The following GALNT15 variants were observed in gnomAD, a reference collection of about 807,000 sequenced individuals.
The protein encoded by GALNT15 is polypeptide N-acetylgalactosaminyltransferase 15.
Under a neutral mutation model 66.8 loss-of-function variants are expected in GALNT15, and 67 were observed. That is an observed-to-expected ratio of 1.00 (90% CI 0.82 to 1.23). The LOEUF (loss-of-function observed/expected upper bound fraction) is 1.23, where lower values mean the gene tolerates loss of function less well. Ranked by LOEUF, GALNT15 falls within the 50% of genes most tolerant of loss-of-function variation. The probability of loss-of-function intolerance (pLI) is 0.00; values close to 1 mark genes in which losing one functional copy is unlikely to be tolerated. For missense variants in GALNT15, 827 were observed against 804.3 expected (o/e 1.03, Z -0.34); for synonymous variants, 313 against 311.5 (o/e 1.00, Z -0.05).
rs143473811 is a variant in GALNT15, at chr3:16,211,216, G to A, written c.1172G>A (p.Gly391Asp). 5.5e-5 allele frequency: 88 copies of A among 1,612,428 alleles called. No individual in the cohort carries two copies. Among genetic ancestry groups the A allele is most frequent in the African/African-American group, 3.1e-4 (23 of 74,902 alleles). The change falls in exon 5 of 10, where the codon GGT becomes GAT. Residue 391 changes from glycine to aspartate, a missense_variant. Transcript: ENST00000339732. The surrounding 1 kb of genome is among the most constrained non-coding windows in gnomAD (Gnocchi z 4.3). ...AYDSLMSLRG[G>D]ENLELSFKAW... ...GACTCTCTTATGTCGCTGCGAGGTGGTGAAAACCTCGAACTGTCTTTCAAG... is the reference window on the plus strand; with the variant it reads ...GACTCTCTTATGTCGCTGCGAGGTGATGAAAACCTCGAACTGTCTTTCAAG...
rs764133849 is a variant in GALNT15 at position 16,186,719 on chromosome 3, T to C, written c.540-9041T>C. ...GTTATGTCATTTCATTCATATGAAG[T>C]GTCCAAAGTAGGCAAGTCTGTAAAG... On this transcript the variant is annotated intron_variant, in intron 1 of 9. Coordinates refer to ENST00000339732, the MANE Select transcript of GALNT15 (RefSeq NM_054110.5). This position sits in a 1 kb window ranked among gnomAD's most constrained non-coding sequence, Gnocchi z 5.1. Among the ~76,000 whole-genome samples the C allele has an allele frequency of 6.6e-6, 1 of 152,170 alleles. No homozygotes were observed. The highest frequency in any genetic ancestry group is 1.5e-5 in the Non-Finnish European group (1 of 68,036).
chr3:16,227,486 GT>G lies in GALNT15; in HGVS notation c.1907del (p.Val636GlyfsTer32). 2 of 1,614,186 alleles carry G rather than the reference GT, an allele frequency of 1.2e-6. No homozygotes were observed. Among genetic ancestry groups the G allele is most frequent in the Non-Finnish European group, 1.7e-6 (2 of 1,180,024 alleles). ...QQWRFDQINA[V>X]DER ...GTGGCGTTTTGACCAGATCAATGCT[GT>G]GGATGAACGATGAATGTCAATGTCA... On this transcript the variant is annotated frameshift_variant, in exon 10 of 10. Transcript: ENST00000339732. LOFTEE classifies it high-confidence loss of function. This position sits in a 1 kb window ranked among gnomAD's most constrained non-coding sequence, Gnocchi z 4.5.
intron 8 of GALNT15, among the ~76,000 whole-genome samples, chr3:16,221,719 G>T (rs1031088123): frequency 3.9e-5 from 6 of 152,084 alleles, no homozygotes; most frequent in Non-Finnish European, 8.8e-5. Flanking sequence ...TCCCTACAGG[G>T]GCTTTGAGTA....
intron 3 of GALNT15, among the ~76,000 whole-genome samples, chr3:16,207,530 A>ATTGGACT (rs1559686158): frequency 3.5e-3 from 17 of 4,844 alleles, no homozygotes; most frequent in East Asian, 5.7e-3. Context: ...AAAAAAAAAA[A>ATTGGACT]AAAAAAAAAA....
At chr3:16,221,110 C>T (rs73138519) in intron 8 of GALNT15, among the ~76,000 whole-genome samples, 25,215 of 151,844 alleles carry the variant, frequency 0.17, 3,562 homozygotes, top group African/African-American at 0.38. Context: ...TTCTTTAAAT[C>T]CTGGTTTCCT....
Position 16,219,301 on chromosome 3 carries a change from G to A in GALNT15, c.1393-102G>A. ...ACTGTGGTCTTGGCCCCTTCCTTCT[G>A]TCCTGATCCTTTAGCTTCTTCCCAG... On this transcript the variant is annotated intron_variant, in intron 6 of 9. Coordinates refer to ENST00000339732, the MANE Select transcript of GALNT15 (RefSeq NM_054110.5). The surrounding 1 kb of genome is among the most constrained non-coding windows in gnomAD (Gnocchi z 4.3). 1 of 1,491,754 alleles carries A rather than the reference G, an allele frequency of 6.7e-7. No individual in the cohort carries two copies. Among genetic ancestry groups the A allele is most frequent in the Non-Finnish European group, 9.2e-7 (1 of 1,092,496 alleles). The allele number at this position is 1,491,754 out of a possible 1,614,324, so 92.4% of individuals were successfully genotyped here.
At chr3:16,221,182 TA>T (rs5846909) in intron 8 of GALNT15, among the ~76,000 whole-genome samples, 100,825 of 144,604 alleles carry the variant, frequency 0.7, 35,099 homozygotes, top group East Asian at 0.8. Flanking sequence ...AAAAGAAGAA[TA>T]AAAAAAAAAA....
rs2063600135 is a variant in GALNT15, at chr3:16,193,409, G to A, written c.540-2351G>A. Among the ~76,000 whole-genome samples the A allele has an allele frequency of 1.3e-5, 2 of 152,022 alleles. No homozygotes were observed. Among genetic ancestry groups the A allele is most frequent in the South Asian group, 4.1e-4 (2 of 4,826 alleles). On this transcript the variant is annotated intron_variant, in intron 1 of 9. Transcript: ENST00000339732. This position sits in a 1 kb window ranked among gnomAD's most constrained non-coding sequence, Gnocchi z 4.7. ...ATCATTTTAAGTATTTGTATTGTGT[G>A]TATTTTTTTGTGAGTGGCTTCAAAT... is the stretch of plus-strand genomic sequence containing the variant.
At position 16,186,926 on chromosome 3, in the gene GALNT15, CATTATGGTATGTGAATTA is replaced by C; in HGVS notation, c.540-8833_540-8816del. The stretch of plus-strand genomic sequence containing the variant: ...GAATTGTACACTTTATAAAGGTGGA[CATTATGGTATGTGAATTA>C]TATCTCAATAAAAATATTATTAAAA... On this transcript the variant is annotated intron_variant, in intron 1 of 9. Transcript: ENST00000339732. This position sits in a 1 kb window ranked among gnomAD's most constrained non-coding sequence, Gnocchi z 5.1. Among the ~76,000 whole-genome samples, 1 of 152,074 alleles carries C rather than the reference CATTATGGTATGTGAATTA, an allele frequency of 6.6e-6. No individual in the cohort carries two copies. The highest frequency in any genetic ancestry group is 1.5e-5 in the Non-Finnish European group (1 of 68,004).
intron 8 of GALNT15, among the ~76,000 whole-genome samples, chr3:16,221,256 C>CTTT (rs60472018): frequency 0.01 from 1,462 of 140,228 alleles, 20 homozygotes; most frequent in African/African-American, 0.023. Flanking sequence ...CTTTCTTGTT[C>CTTT]TTTTTTTTTT....
chr3:16,176,260 A>G lies in GALNT15; in HGVS notation c.539+570A>G, dbSNP rs1175221577. 2.6e-5 allele frequency among the ~76,000 whole-genome samples: 4 copies of G among 152,356 alleles called. No homozygotes were observed. The South Asian group carries it at 6.2e-4, about 24-fold the overall frequency. ...AATGTATTAACTCATAAAGTCCTGG[A>G]AAGTCCTCACAGCTCTGCAAGATGG... On this transcript the variant is annotated intron_variant, in intron 1 of 9. Coordinates refer to ENST00000339732, the MANE Select transcript of GALNT15 (RefSeq NM_054110.5). The surrounding 1 kb of genome is among the most constrained non-coding windows in gnomAD (Gnocchi z 5.6).
intron 6 of GALNT15, among the ~76,000 whole-genome samples, chr3:16,215,091 C>T (rs1402548323): frequency 6.6e-6 from 1 of 152,178 alleles, no homozygotes; most frequent in Non-Finnish European, 1.5e-5. Flanking sequence ...ACTAACTTTC[C>T]ACCAGACAGG....
chr3:16,226,769 G>A lies in GALNT15; in HGVS notation c.1774-585G>A, dbSNP rs551817123. ...AATGATGAATAAATAGGCATTTTCA[G>A]CATTGCTGGTTAAGGTTGTTCAACT... On this transcript the variant is annotated intron_variant, in intron 9 of 9. Transcript: ENST00000339732. Among the ~76,000 whole-genome samples the A allele has an allele frequency of 1.5e-4, 23 of 152,208 alleles. No individual in the cohort carries two copies. In the South Asian group the frequency reaches 1.9e-3, roughly 12 times the overall value.
rs1574964924 is a variant in GALNT15 at position 16,175,632 on chromosome 3, G to A, written c.481G>A (p.Glu161Lys). 6.2e-7 allele frequency: 1 copy of A among 1,612,842 alleles called. No homozygotes were observed. The highest frequency in any genetic ancestry group is 8.5e-7 in the Non-Finnish European group (1 of 1,179,802). ...CAGCCTGGACCCACGTGGCCTCCAG[G>A]AGGCACTCAGTGCCCGCATCCCCCT... ...PFSLDPRGLQ[E>K]ALSARIPLQR... Residue 161 changes from glutamate (E) to lysine (K), a missense_variant, in exon 1 of 10, where the codon GAG (glutamate) becomes AAG (lysine). Coordinates refer to ENST00000339732, the MANE Select transcript of GALNT15 (RefSeq NM_054110.5). The surrounding 1 kb of genome is among the most constrained non-coding windows in gnomAD (Gnocchi z 5.6).
In GALNT15 at chr3:16,203,940, C is replaced by T. The variant is rs955277256; in HGVS notation, c.911+3117C>T. 2.0e-5 allele frequency among the ~76,000 whole-genome samples: 3 copies of T among 152,034 alleles called. No homozygotes were observed. Among genetic ancestry groups the T allele is most frequent in the Admixed American group, 2.0e-4 (3 of 15,266 alleles). ...GGAAGGCATTTGGTGCAGCTCCTCACATGGAGAGGAGAGGGGGCCCAGCTG... is the reference window on the plus strand; with the variant it reads ...GGAAGGCATTTGGTGCAGCTCCTCATATGGAGAGGAGAGGGGGCCCAGCTG... On this transcript the variant is annotated intron_variant, in intron 3 of 9. Coordinates refer to ENST00000339732, the MANE Select transcript of GALNT15 (RefSeq NM_054110.5). The surrounding 1 kb of genome is among the most constrained non-coding windows in gnomAD (Gnocchi z 6.2).
At chr3:16,246,816 T>C in the GALNT15 span, among the ~76,000 whole-genome samples, 1 of 152,254 alleles carries the variant, frequency 6.6e-6, no homozygotes, top group African/African-American at 2.4e-5. Context: ...AATGAAAGTA[T>C]TACAGGAATA....
In GALNT15 at chr3:16,183,692, C is replaced by T. The variant is rs543143351; in HGVS notation, c.539+8002C>T. Among the ~76,000 whole-genome samples the T allele has an allele frequency of 1.3e-5, 2 of 152,182 alleles. No homozygotes were observed. Among genetic ancestry groups the T allele is most frequent in the African/African-American group, 4.8e-5 (2 of 41,520 alleles). Reference sequence around the variant, plus strand: ...GATAGAGAAGCCTATCCGAGTGGGGCGCCTCCACTGATTTGATAGGAACTG... The same window carrying T: ...GATAGAGAAGCCTATCCGAGTGGGGTGCCTCCACTGATTTGATAGGAACTG... On this transcript the variant is annotated intron_variant, in intron 1 of 9. Coordinates refer to ENST00000339732, the MANE Select transcript of GALNT15 (RefSeq NM_054110.5). This position sits in a 1 kb window ranked among gnomAD's most constrained non-coding sequence, Gnocchi z 5.2.
In GALNT15 at chr3:16,229,822, T is replaced by C. The variant is rs749430587; in HGVS notation, c.*2322T>C. The C allele has an allele frequency of 3.8e-6, 3 of 780,368 alleles. No individual in the cohort carries two copies. The East Asian group carries it at 3.8e-4, about 99-fold the overall frequency. 48.3% of individuals were successfully genotyped at this position (780,368 alleles called of 1,614,324 possible). A position where few individuals can be genotyped will look rare whatever the true frequency, so the allele number is the denominator to read the frequency against. ...TAATTGGGTGAACAAAGCAAGAATA[T>C]GGTGTTTCTTGCTTCCTTAACCAGC... On this transcript the variant is annotated 3_prime_UTR_variant, in exon 10 of 10. Coordinates refer to ENST00000339732, the MANE Select transcript of GALNT15 (RefSeq NM_054110.5).
Position 16,212,684 on chromosome 3 carries a change from T to C in GALNT15, c.1313T>C (p.Val438Ala), listed in dbSNP as rs2063829982. The change falls in exon 6 of 10, where the codon GTT (valine) becomes GCT (alanine). Residue 438 changes from valine to alanine, a missense_variant. Coordinates refer to ENST00000339732, the MANE Select transcript of GALNT15 (RefSeq NM_054110.5). ...CAGGAGGCCACCCTGAGGAACAGGG[T>C]TCGCATTGCTGAGACCTGGCTGGGG... ...LDQEATLRNRVRIAETWLGSF... is the reference protein window; with the variant it reads ...LDQEATLRNRARIAETWLGSF... 2 of 1,613,850 alleles carry C rather than the reference T, an allele frequency of 1.2e-6. No homozygotes were observed. The highest frequency in any genetic ancestry group is 1.7e-6 in the Non-Finnish European group (2 of 1,180,004).
Sources: gnomAD v4.1 joint callset for allele counts (sites outside exome capture counted in the v4.1 genomes callset) on GRCh38, gnomAD v4.1.1 for gene constraint, Gnocchi (gnomAD v3.1) non-coding constraint, MANE v1.5 for transcripts, NCBI Gene and HGNC (gene_info 2026-07-23, HGNC 2026-07-21) for gene names.